Variants in ZFHX3 observed in about 807,000 individuals in gnomAD.
The protein encoded by ZFHX3 is zinc finger homeobox protein 3.
A neutral mutation model predicts 279.1 loss-of-function variants in ZFHX3; 42 were observed. The observed-to-expected ratio is 0.15, with a 90% confidence interval of 0.12 to 0.19. The LOEUF (loss-of-function observed/expected upper bound fraction) is 0.19. Among genes scored for constraint, ZFHX3 ranks in the 10% least tolerant of loss-of-function variants. ZFHX3 has a pLI of 1.00. For synonymous variants in ZFHX3, 2,293 were observed against 1,957.8 expected, an observed-to-expected ratio of 1.17 and a Z score of -4.52; for missense variants, 4,981 against 4,754.0, an observed-to-expected ratio of 1.05 and a Z score of -1.40.
intron 7 of ZFHX3, among the ~76,000 whole-genome samples, chr16:73,120,856 G>A (rs1012911379): frequency 1.3e-5 from 2 of 151,560 alleles, no homozygotes; most frequent in Non-Finnish European, 2.9e-5. Flanking sequence ...GGATTTCACC[G>A]TGTTAGCCAG....
chr16:73,682,908 GAA>G (rs748083021), intron 1 of ZFHX3, among the ~76,000 whole-genome samples: 13,782 of 41,416 alleles, frequency 0.33, 1,815 homozygotes, highest in East Asian at 0.47. Context: ...GAAAGAAAGA[GAA>G]AGAAAGAGAG....
intron 3 of ZFHX3, among the ~76,000 whole-genome samples, chr16:73,395,833 C>A (rs1374929095): frequency 6.6e-6 from 1 of 151,166 alleles, no homozygotes; most frequent in Non-Finnish European, 1.5e-5. Context: ...ACGAATAGAC[C>A]CTAATTACTT....
At chr16:73,769,103 T>A (rs1204336388) in intron 1 of ZFHX3, among the ~76,000 whole-genome samples, 2 of 152,186 alleles carry the variant, frequency 1.3e-5, no homozygotes, top group African/African-American at 2.4e-5. Flanking sequence ...TTGCTGAATC[T>A]GGCAAGCCTG....
Position 72,793,690 on chromosome 16 carries a change from G to A in ZFHX3, c.8992C>T (p.Arg2998Trp), listed in dbSNP as rs1343025200. ...RVVQVWFQNA[R>W]AKEKKSKLSM... Reference sequence around the variant, plus strand: ...AACTTGGACTTCTTTTCTTTTGCCCGGGCATTCTGGAACCAGACCTGAACG... The same window carrying A: ...AACTTGGACTTCTTTTCTTTTGCCCAGGCATTCTGGAACCAGACCTGAACG... The change falls in exon 9 of 10, where the codon CGG becomes TGG. Residue 2998 changes from arginine to tryptophan, a missense_variant. Arg to Trp is a moderately radical substitution (Grantham distance 101). Coordinates refer to ENST00000268489, the MANE Select transcript of ZFHX3 (RefSeq NM_006885.4). The surrounding 1 kb of genome is among the most constrained non-coding windows in gnomAD (Gnocchi z 4.3). 4 of 1,613,950 alleles carry A rather than the reference G, an allele frequency of 2.5e-6. No individual in the cohort carries two copies. Among genetic ancestry groups the A allele is most frequent in the African/African-American group, 1.3e-5 (1 of 74,896 alleles).
At chr16:73,585,011 A>G (rs1250933463) in intron 2 of ZFHX3, among the ~76,000 whole-genome samples, 1 of 152,258 alleles carries the variant, frequency 6.6e-6, no homozygotes, top group African/African-American at 2.4e-5. Flanking sequence ...AAGAAATGCA[A>G]ATCAAAAAAT....
intron 1 of ZFHX3, among the ~76,000 whole-genome samples, chr16:73,016,578 C>A (rs979956770): frequency 6.6e-6 from 1 of 152,048 alleles, no homozygotes; most frequent in Non-Finnish European, 1.5e-5. Context: ...TCTCCTGATG[C>A]CTCTCAAAAT....
intron 2 of ZFHX3, among the ~76,000 whole-genome samples, chr16:73,659,464 T>C (rs966278009): frequency 2.0e-3 from 17 of 8,612 alleles, no homozygotes; most frequent in African/African-American, 5.6e-3. Context: ...CTTTCTCTCA[T>C]GAAGAAAAAC....
chr16:73,407,031 C>T (rs1377166551), intron 3 of ZFHX3, among the ~76,000 whole-genome samples: 1 of 148,186 alleles, frequency 6.7e-6, no homozygotes, highest in Non-Finnish European at 1.5e-5. Context: ...CAGCAGTTCT[C>T]AAAAGAAAGG....
intron 3 of ZFHX3, among the ~76,000 whole-genome samples, chr16:73,394,643 G>A (rs1297722315): frequency 6.6e-6 from 1 of 152,046 alleles, no homozygotes; most frequent in Non-Finnish European, 1.5e-5. Context: ...GAGACAGAAG[G>A]ACAAAGATAT....
intron 3 of ZFHX3, among the ~76,000 whole-genome samples, chr16:72,931,539 G>C (rs549615604): frequency 6.8e-6 from 1 of 146,982 alleles, no homozygotes; most frequent in African/African-American, 2.5e-5. Flanking sequence ...CCAACGTACC[G>C]ACAGGGAAGA....
intron 3 of ZFHX3, among the ~76,000 whole-genome samples, chr16:72,928,790 A>G (rs1398479625): frequency 6.6e-6 from 1 of 152,232 alleles, no homozygotes; most frequent in Non-Finnish European, 1.5e-5. Context: ...GCAAGACCCC[A>G]TCTCTACCAT....
intron 1 of ZFHX3, among the ~76,000 whole-genome samples, chr16:73,800,804 G>A (rs139494478): frequency 3.9e-5 from 6 of 152,184 alleles, no homozygotes; most frequent in Non-Finnish European, 7.4e-5. Context: ...TTCAGACTCC[G>A]TCTACCCCCA....
chr16:73,008,144 C>T (rs1166586496), intron 1 of ZFHX3, among the ~76,000 whole-genome samples: 3 of 152,096 alleles, frequency 2.0e-5, no homozygotes, highest in Non-Finnish European at 4.4e-5. Context: ...TTGTTTTATG[C>T]TTTCCAAGTT....
chr16:72,971,951 T>A (rs1428466662), intron 1 of ZFHX3, among the ~76,000 whole-genome samples: 2 of 146,982 alleles, frequency 1.4e-5, no homozygotes, highest in Non-Finnish European at 3.0e-5. Context: ...AATGGGGCGA[T>A]CTCAGCTCAC....
intron 2 of ZFHX3, among the ~76,000 whole-genome samples, chr16:73,516,066 T>G (rs1411379523): frequency 3.3e-5 from 5 of 152,240 alleles, no homozygotes; most frequent in Non-Finnish European, 7.3e-5. Context: ...TCGCTAACTC[T>G]TCACCATCAT....
chr16:73,439,420 G>A (rs1198061205), intron 3 of ZFHX3, among the ~76,000 whole-genome samples: 2 of 151,978 alleles, frequency 1.3e-5, no homozygotes, highest in East Asian at 3.9e-4. Flanking sequence ...TGCGCGTTTA[G>A]GAATCACGGA....
At chr16:73,445,745 G>A (rs563980493) in intron 3 of ZFHX3, among the ~76,000 whole-genome samples, 1 of 152,172 alleles carries the variant, frequency 6.6e-6, no homozygotes, top group Non-Finnish European at 1.5e-5. Context: ...TGCACTGCCT[G>A]TGCCTGCGGT....
chr16:73,770,303 A>G (rs930254939), intron 1 of ZFHX3, among the ~76,000 whole-genome samples: 4 of 152,252 alleles, frequency 2.6e-5, no homozygotes, highest in African/African-American at 9.6e-5. Context: ...AAGAATGGGG[A>G]CAGTCACAGA....
intron 4 of ZFHX3, among the ~76,000 whole-genome samples, chr16:72,831,703 T>C (rs979211224): frequency 1.3e-5 from 2 of 152,226 alleles, no homozygotes; most frequent in African/African-American, 4.8e-5. Context: ...ACTATAATGA[T>C]AAAATTCATC....
Sources: allele counts gnomAD v4.1 joint callset (sites outside exome capture counted in the v4.1 genomes callset), GRCh38; gene constraint gnomAD v4.1.1; non-coding constraint Gnocchi (gnomAD v3.1); transcripts MANE v1.5; gene names NCBI Gene and HGNC (gene_info 2026-07-23, HGNC 2026-07-21).